FOXRED2: variants seen among roughly 807,000 people sequenced by gnomAD.
FOXRED2 encodes FAD-dependent oxidoreductase domain-containing protein 2.
In FOXRED2, 32 loss-of-function variants were observed where a neutral mutation model predicts 52.5. The ratio of observed to expected loss-of-function variants is 0.61; its 90% confidence interval spans 0.46 to 0.82. The LOEUF (loss-of-function observed/expected upper bound fraction) is 0.82, where lower values mean the gene tolerates loss of function less well. FOXRED2 is among the 40% of genes least tolerant of loss of function. FOXRED2 has a pLI of 0.00. For missense variants in FOXRED2, 848 were observed against 937.5 expected (o/e 0.90, Z 1.25); for synonymous variants, 405 against 398.1 (o/e 1.02, Z -0.21).
intron 7 of FOXRED2, among the ~76,000 whole-genome samples, chr22:36,494,632 T>A (rs945239241): frequency 5.3e-5 from 8 of 151,922 alleles, no homozygotes; most frequent in Non-Finnish European, 1.2e-4. Flanking sequence ...GCTTTAACTC[T>A]TAGTGCCTCC....
chr22:36,506,277 A>C lies in FOXRED2; in HGVS notation c.146T>G (p.Leu49Arg), dbSNP rs1934194796. The C allele has an allele frequency of 1.9e-6, 3 of 1,603,318 alleles. No homozygotes were observed. The highest frequency in any genetic ancestry group is 2.6e-6 in the Non-Finnish European group (3 of 1,174,560). Residue 49 changes from leucine (L) to arginine (R), a missense_variant, in exon 2 of 9, where the codon CTG becomes CGG. Coordinates refer to ENST00000397224, the MANE Select transcript of FOXRED2 (RefSeq NM_001102371.2). The part of the protein sequence containing the change: ...GPAGLQMAYF[L>R]QRAGRDYAVF... The stretch of plus-strand genomic sequence containing the variant: ...TGCGTAGTCGCGTCCAGCGCGCTGC[A>C]GGAAGTAGGCCATCTGCAGGCCCGC...
chr22:36,493,718 G>A lies in FOXRED2; in HGVS notation c.1710C>T (p.Asp570=). 1.2e-6 allele frequency: 2 copies of A among 1,614,210 alleles called. No homozygotes were observed. The highest frequency in any genetic ancestry group is 1.7e-6 in the Non-Finnish European group (2 of 1,180,002). The part of the protein sequence containing the change: ...IHHIVEDFLT[D]WTAPIGHILP... ...GGATGTGCCCGATCGGGGCAGTCCAGTCTGTTAAGAAGTCTTCCACGATGT... is the reference window on the plus strand; with the variant it reads ...GGATGTGCCCGATCGGGGCAGTCCAATCTGTTAAGAAGTCTTCCACGATGT... Residue 570 remains aspartate, a synonymous_variant, in exon 8 of 9, where the codon GAC becomes GAT. Coordinates refer to ENST00000397224, the MANE Select transcript of FOXRED2 (RefSeq NM_001102371.2).
chr22:36,489,273 G>A lies in FOXRED2; in HGVS notation c.*735C>T, dbSNP rs1485416614. On this transcript the variant is annotated 3_prime_UTR_variant, in exon 9 of 9. Transcript: ENST00000397224. Reference sequence around the variant, plus strand: ...GGGTGCAACTGGGGAGAGCAGCTCTGAATCCTGCTTCTCAGTGAGAAAGTT... The same window carrying A: ...GGGTGCAACTGGGGAGAGCAGCTCTAAATCCTGCTTCTCAGTGAGAAAGTT... The A allele has an allele frequency of 2.0e-5, 3 of 152,306 alleles. No individual in the cohort carries two copies. Among genetic ancestry groups the A allele is most frequent in the Non-Finnish European group, 2.9e-5 (2 of 68,102 alleles). The allele number at this position is 152,306 out of a possible 1,614,324, so 9.4% of individuals were successfully genotyped here.
Position 36,506,108 on chromosome 22 carries a change from G to A in FOXRED2, c.315C>T (p.His105=), listed in dbSNP as rs1333534800. The change falls in exon 2 of 9, where the codon CAC becomes CAT. Residue 105 remains histidine, a synonymous_variant. Coordinates refer to ENST00000397224, the MANE Select transcript of FOXRED2 (RefSeq NM_001102371.2). ...LRHDWNSLLS[H]DPRLLFRHYS... is the part of the protein sequence containing the mutation. ...AGTGTCTGAAGAGCAGCCGGGGGTC[G>A]TGGCTGAGCAGAGAGTTCCAGTCGT... 1.2e-6 allele frequency: 2 copies of A among 1,614,260 alleles called. No individual in the cohort carries two copies. Among genetic ancestry groups the A allele is most frequent in the South Asian group, 1.1e-5 (1 of 91,090 alleles).
Position 36,504,509 on chromosome 22 carries a change from G to T in FOXRED2, c.779+6C>A. ...CACAGAACACACATGCGGGGATGTGGCCTACCTGAGGTCTCCAACGTAGTG... is the reference window on the plus strand; with the variant it reads ...CACAGAACACACATGCGGGGATGTGTCCTACCTGAGGTCTCCAACGTAGTG... On this transcript the variant is annotated splice_donor_region_variant and intron_variant, in intron 3 of 8. Coordinates refer to ENST00000397224, the MANE Select transcript of FOXRED2 (RefSeq NM_001102371.2). 6.2e-7 allele frequency: 1 copy of T among 1,614,036 alleles called. No individual in the cohort carries two copies. The highest frequency in any genetic ancestry group is 8.5e-7 in the Non-Finnish European group (1 of 1,179,964).
intron 7 of FOXRED2, among the ~76,000 whole-genome samples, chr22:36,494,264 C>T (rs1372193954): frequency 6.6e-6 from 1 of 151,262 alleles, no homozygotes; most frequent in South Asian, 2.1e-4. Context: ...TTACAGGTGC[C>T]CGCCACCACA....
At chr22:36,502,891 G>A (rs999763585) in intron 4 of FOXRED2, among the ~76,000 whole-genome samples, 1 of 151,806 alleles carries the variant, frequency 6.6e-6, no homozygotes, top group Non-Finnish European at 1.5e-5. Context: ...ACGGGGTTTC[G>A]CTACATTGGT....
At position 36,504,108 on chromosome 22, in the gene FOXRED2, T is replaced by C. The variant is rs754941930; in HGVS notation, c.1039A>G (p.Ile347Val). 5 of 1,613,780 alleles carry C rather than the reference T, an allele frequency of 3.1e-6. No homozygotes were observed. The Admixed American group carries it at 5.0e-5, about 16-fold the overall frequency. The stretch of plus-strand genomic sequence containing the variant: ...CCGCATGGAACTCACTTATTGAAAA[T>C]GGAGAAGTCAAAGTTCCAGCCCAGG... ...RCLGWNFDFS[I>V]FNKSLRLNSG... The change falls in exon 4 of 9, where the codon ATT (isoleucine) becomes GTT (valine). Residue 347 changes from isoleucine (I) to valine (V), a missense_variant. Coordinates refer to ENST00000397224, the MANE Select transcript of FOXRED2 (RefSeq NM_001102371.2).
chr22:36,504,089 G>A lies in FOXRED2; in HGVS notation c.1049+9C>T, dbSNP rs1934122209. On this transcript the variant is annotated intron_variant, in intron 4 of 8. Transcript: ENST00000397224. ...TAGGAGAGCCCACCTCCTTCCGCAT[G>A]GAACTCACTTATTGAAAATGGAGAA... 6.2e-7 allele frequency: 1 copy of A among 1,612,402 alleles called. No individual in the cohort carries two copies. Among genetic ancestry groups the A allele is most frequent in the Non-Finnish European group, 8.5e-7 (1 of 1,178,814 alleles).
At chr22:36,494,671 G>A (rs1933846867) in intron 7 of FOXRED2, among the ~76,000 whole-genome samples, 1 of 151,610 alleles carries the variant, frequency 6.6e-6, no homozygotes, top group African/African-American at 2.4e-5. Flanking sequence ...ACAGAGTCTC[G>A]CTCTGTCTCC....
Position 36,489,940 on chromosome 22 carries a change from A to G in FOXRED2, c.*68T>C. 1 of 1,459,138 alleles carries G rather than the reference A, an allele frequency of 6.9e-7. No homozygotes were observed. The allele number at this position is 1,459,138 out of a possible 1,614,324, so 90.4% of individuals were successfully genotyped here. On this transcript the variant is annotated 3_prime_UTR_variant, in exon 9 of 9. Transcript: ENST00000397224. The stretch of plus-strand genomic sequence containing the variant: ...TGGCGGGAGTGTGAGGTTGCGGGGA[A>G]AGAGGGACTGACCATGGGCCTAGGT...
intron 6 of FOXRED2, among the ~76,000 whole-genome samples, chr22:36,497,583 T>G (rs1055746748): frequency 3.9e-4 from 59 of 152,254 alleles, no homozygotes; most frequent in South Asian, 2.7e-3. Flanking sequence ...TGGGATCTGC[T>G]GCTTATCACT....
At chr22:36,491,183 T>G (rs1002921121) in intron 8 of FOXRED2, among the ~76,000 whole-genome samples, 1 of 150,314 alleles carries the variant, frequency 6.7e-6, no homozygotes, top group Non-Finnish European at 1.5e-5. Flanking sequence ...GAAAAAGAAA[T>G]ATGAAGAAAC....
intron 5 of FOXRED2, among the ~76,000 whole-genome samples, chr22:36,501,037 G>A (rs1056700527): frequency 3.3e-5 from 5 of 152,096 alleles, no homozygotes; most frequent in African/African-American, 1.2e-4. Context: ...CTACAGGCGT[G>A]GACTTTTACA....
intron 6 of FOXRED2, among the ~76,000 whole-genome samples, 184 bp downstream of exon 6, chr22:36,497,807 G>A (rs1359508351): frequency 1.3e-5 from 2 of 152,170 alleles, no homozygotes; most frequent in African/African-American, 2.4e-5. Flanking sequence ...TGTGCCCGTG[G>A]CCACTCACAG....
chr22:36,496,573 A>G (rs1249173373), intron 6 of FOXRED2, among the ~76,000 whole-genome samples: 2 of 152,228 alleles, frequency 1.3e-5, no homozygotes, highest in Admixed American at 6.5e-5. Flanking sequence ...GGAGGCCTTG[A>G]GAGGTCAAGG....
At chr22:36,506,720 A>T in intron 1 of FOXRED2, 1 of 359,960 alleles carries the variant, frequency 2.8e-6, no homozygotes, top group Non-Finnish European at 5.0e-6. Flanking sequence ...CGTACTCCCC[A>T]ATTTTCCCCT....
In FOXRED2 at chr22:36,506,059, C is replaced by A; in HGVS notation, c.364G>T (p.Ala122Ser). The A allele has an allele frequency of 1.2e-6, 2 of 1,614,244 alleles. No individual in the cohort carries two copies. The highest frequency in any genetic ancestry group is 8.5e-7 in the Non-Finnish European group (1 of 1,180,054). Residue 122 changes from alanine to serine, a missense_variant, in exon 2 of 9, where the codon GCC becomes TCC. By Grantham distance (99) the Ala-to-Ser change is moderately conservative. Transcript: ENST00000397224. ...CCCAGGTAGCGCACCATGTCGCGGGCGTCGGGGAAGTAGGCACGCGAGTAG... is the reference window on the plus strand; with the variant it reads ...CCCAGGTAGCGCACCATGTCGCGGGAGTCGGGGAAGTAGGCACGCGAGTAG... ...RHYSRAYFPD[A>S]RDMVRYLGDF...
chr22:36,506,602 TC>T, intron 1 of FOXRED2, 179 bp from the exon 2 acceptor site: 1 of 543,856 alleles, frequency 1.8e-6, no homozygotes, highest in South Asian at 3.7e-5. Context: ...GACTTGGGGC[TC>T]CCCGGAATCC....
Sources: allele counts gnomAD v4.1 joint callset (sites outside exome capture counted in the v4.1 genomes callset), GRCh38; gene constraint gnomAD v4.1.1; transcripts MANE v1.5; gene names NCBI Gene and HGNC (gene_info 2026-07-23, HGNC 2026-07-21).